FBN2: variants seen among roughly 807,000 people sequenced by gnomAD.
FBN2 encodes fibrillin-2.
Under a neutral mutation model 355.6 loss-of-function variants are expected in FBN2, and 105 were observed. That is an observed-to-expected ratio of 0.30 (90% CI 0.25 to 0.35). The LOEUF is 0.35. FBN2 is among the 10% of genes least tolerant of loss of function. The probability of loss-of-function intolerance (pLI) is 1.00; values close to 1 mark genes in which losing one functional copy is unlikely to be tolerated. For missense variants in FBN2, 3,280 were observed against 3,758.7 expected, an observed-to-expected ratio of 0.87 and a Z score of 3.33; for synonymous variants, 1,350 against 1,301.2, an observed-to-expected ratio of 1.04 and a Z score of -0.81.
chr5:128,376,769 G>C lies in FBN2; in HGVS notation c.1934C>G (p.Pro645Arg). 1 of 1,613,728 alleles carries C rather than the reference G, an allele frequency of 6.2e-7. No homozygotes were observed. The highest frequency in any genetic ancestry group is 8.5e-7 in the Non-Finnish European group (1 of 1,179,744). ...CCCATTTGGAGCCAAGACAAATCCT[G>C]GTTTGCAGATGCACTTGAAGCTGCC... ...EDGSFKCICK[P>R]GFVLAPNGRY... Residue 645 changes from proline (P) to arginine (R), a missense_variant, in exon 14 of 65, where the codon CCA becomes CGA. By Grantham distance (103) the Pro-to-Arg change is moderately radical (BLOSUM62 -2). Coordinates refer to ENST00000262464, the MANE Select transcript of FBN2 (RefSeq NM_001999.4).
At chr5:128,344,562 G>C in intron 24 of FBN2, 52 bp from the exon 25 acceptor site, 1 of 1,584,484 alleles carries the variant, frequency 6.3e-7, no homozygotes, top group Non-Finnish European at 8.7e-7. Flanking sequence ...AAACGATTAG[G>C]TCCATCACTT....
In FBN2 at chr5:128,379,290, T is replaced by C. The variant is rs567799157; in HGVS notation, c.1604-400A>G. On this transcript the variant is annotated intron_variant, in intron 11 of 64. Coordinates refer to ENST00000262464, the MANE Select transcript of FBN2 (RefSeq NM_001999.4). The stretch of plus-strand genomic sequence containing the variant: ...GAACAATGAAAGGATTCTGAAGATA[T>C]ATATTTATGTTACATGTTGTCACTG... Among the ~76,000 whole-genome samples the C allele has an allele frequency of 1.1e-3, 166 of 152,148 alleles. 1 individual carries two copies. The highest frequency in any genetic ancestry group is 2.2e-3 in the Admixed American group (34 of 15,254).
chr5:128,441,278 C>A (rs566245280), intron 7 of FBN2, among the ~76,000 whole-genome samples: 24 of 152,316 alleles, frequency 1.6e-4, no homozygotes, highest in African/African-American at 4.1e-4. Flanking sequence ...GGGAGAATCA[C>A]ACTCTTACTG....
intron 7 of FBN2, among the ~76,000 whole-genome samples, chr5:128,417,760 G>T (rs574135668): frequency 6.6e-6 from 1 of 152,070 alleles, no homozygotes; most frequent in African/African-American, 2.4e-5. Context: ...CTACTATTTT[G>T]TTGGGGATTT....
At chr5:128,330,138 A>T (rs1236708288) in intron 33 of FBN2, among the ~76,000 whole-genome samples, 1 of 152,224 alleles carries the variant, frequency 6.6e-6, no homozygotes. Flanking sequence ...CCATTCATTT[A>T]GGAATAAAAA....
At chr5:128,318,365 G>A in intron 35 of FBN2, 94 bp from the exon 36 acceptor site, 2 of 1,225,172 alleles carry the variant, frequency 1.6e-6, no homozygotes, top group Non-Finnish European at 1.2e-6. Flanking sequence ...TTGCAAGTGA[G>A]TAGATTAAAG....
rs139688773 is a variant in FBN2, at chr5:128,372,948, A to G, written c.2095+1680T>C. On this transcript the variant is annotated intron_variant, in intron 15 of 64. Coordinates refer to ENST00000262464, the MANE Select transcript of FBN2 (RefSeq NM_001999.4). Reference sequence around the variant, plus strand: ...GGCCTCATCTCAAACTTAAAGAATCAATGGGTCTAAAAAGTGACATCAAGT... The same window carrying G: ...GGCCTCATCTCAAACTTAAAGAATCGATGGGTCTAAAAAGTGACATCAAGT... 2.7e-3 allele frequency among the ~76,000 whole-genome samples: 405 copies of G among 152,304 alleles called. 1 individual carries two copies. Among genetic ancestry groups the G allele is most frequent in the Non-Finnish European group, 4.8e-3 (327 of 68,012 alleles).
intron 17 of FBN2, among the ~76,000 whole-genome samples, chr5:128,365,791 A>G (rs556194954): frequency 6.6e-6 from 1 of 151,582 alleles, no homozygotes; most frequent in Non-Finnish European, 1.5e-5. Flanking sequence ...AAAGAATCTG[A>G]AAATTACAAA....
At chr5:128,273,244 T>C (rs367555590) in intron 61 of FBN2, among the ~76,000 whole-genome samples, 1 of 152,218 alleles carries the variant, frequency 6.6e-6, no homozygotes, top group African/African-American at 2.4e-5. Context: ...AAGAACTAGA[T>C]GAAATTTTCT....
At chr5:128,393,010 C>G in intron 10 of FBN2, 125 bp downstream of exon 10, 2 of 811,712 alleles carry the variant, frequency 2.5e-6, no homozygotes. Context: ...CTCGCACCCA[C>G]AAACACACAC....
At chr5:128,291,034 G>A in intron 49 of FBN2, 150 bp from the exon 50 acceptor site, 1 of 649,546 alleles carries the variant, frequency 1.5e-6, no homozygotes, top group South Asian at 2.0e-5. Context: ...TGCCAATTTA[G>A]ACTGACCTGG....
Position 128,364,580 on chromosome 5 carries a change from A to G in FBN2, c.2428+20T>C, listed in dbSNP as rs374454602. 1.2e-6 allele frequency: 2 copies of G among 1,610,086 alleles called. No individual in the cohort carries two copies. Among genetic ancestry groups the G allele is most frequent in the African/African-American group, 2.7e-5 (2 of 74,860 alleles). On this transcript the variant is annotated intron_variant, in intron 18 of 64. Coordinates refer to ENST00000262464, the MANE Select transcript of FBN2 (RefSeq NM_001999.4). ...TAAACTATATGAAATGTTCTTGCAT[A>G]AATATAACAAATAACTTACCAATAC...
intron 8 of FBN2, among the ~76,000 whole-genome samples, chr5:128,395,901 C>G (rs1177815397): frequency 2.0e-5 from 3 of 152,102 alleles, no homozygotes; most frequent in East Asian, 1.9e-4. Context: ...ACTTGGATTT[C>G]GAGTGGAGGG....
At chr5:128,452,723 C>T (rs1349309549) in intron 6 of FBN2, among the ~76,000 whole-genome samples, 3 of 151,894 alleles carry the variant, frequency 2.0e-5, no homozygotes, top group African/African-American at 7.3e-5. Flanking sequence ...ATTGAACTTG[C>T]TTTTTCTTTT....
At chr5:128,387,174 T>C (rs1752387909) in intron 11 of FBN2, among the ~76,000 whole-genome samples, 1 of 152,102 alleles carries the variant, frequency 6.6e-6, no homozygotes, top group Non-Finnish European at 1.5e-5. Flanking sequence ...TCTTGGGAGA[T>C]GTTATGTTTC....
chr5:128,485,068 G>T (rs1355110813), intron 5 of FBN2, among the ~76,000 whole-genome samples: 1 of 151,242 alleles, frequency 6.6e-6, no homozygotes, highest in Non-Finnish European at 1.5e-5. Context: ...CTGTTGCCTA[G>T]GCCTGAGTGC....
chr5:128,260,165 A>G (rs1764929731), intron 64 of FBN2, among the ~76,000 whole-genome samples: 2 of 152,172 alleles, frequency 1.3e-5, no homozygotes, highest in South Asian at 4.1e-4. Flanking sequence ...CTAATTAATA[A>G]TTTTTAAAAA....
chr5:128,286,565 G>A (rs186529650), intron 55 of FBN2, among the ~76,000 whole-genome samples, 153 bp downstream of exon 55: 1 of 152,340 alleles, frequency 6.6e-6, no homozygotes, highest in Non-Finnish European at 1.5e-5. Flanking sequence ...TATATTAGCA[G>A]AGACCCTGAG....
chr5:128,272,485 T>A (rs1024590900), intron 61 of FBN2, among the ~76,000 whole-genome samples: 17 of 147,402 alleles, frequency 1.2e-4, no homozygotes, highest in Non-Finnish European at 2.2e-4. Context: ...TATATATATA[T>A]AAAATATATT....
Sources: allele counts gnomAD v4.1 joint callset (sites outside exome capture counted in the v4.1 genomes callset), GRCh38; gene constraint gnomAD v4.1.1; transcripts MANE v1.5; gene names NCBI Gene and HGNC (gene_info 2026-07-23, HGNC 2026-07-21).